RBMS1: variants seen among roughly 807,000 people sequenced by gnomAD.
RBMS1 encodes the protein RNA-binding motif, single-stranded-interacting protein 1.
A neutral mutation model predicts 62.3 loss-of-function variants in RBMS1; 17 were observed. The ratio of observed to expected loss-of-function variants is 0.27; its 90% CI spans 0.19 to 0.41. The LOEUF is 0.41. Among genes scored for constraint, RBMS1 ranks in the 10% least tolerant of loss-of-function variants. RBMS1 has a pLI of 1.00. For missense variants in RBMS1, 334 were observed against 504.5 expected (o/e 0.66, Z 3.24); for synonymous variants, 172 against 170.0 (o/e 1.01, Z -0.09).
At chr2:160,351,753 G>A (rs1692524190) in intron 2 of RBMS1, among the ~76,000 whole-genome samples, 1 of 151,982 alleles carries the variant, frequency 6.6e-6, no homozygotes, top group African/African-American at 2.4e-5. Flanking sequence ...AAATGCATTA[G>A]ATATCCAAAA....
chr2:160,475,487 G>C (rs1470974932), intron 1 of RBMS1, among the ~76,000 whole-genome samples: 1 of 152,234 alleles, frequency 6.6e-6, no homozygotes, highest in Non-Finnish European at 1.5e-5. Flanking sequence ...CCAGGTTCTG[G>C]TAACTGCTCC....
chr2:160,476,480 A>G (rs1316655289), intron 1 of RBMS1, among the ~76,000 whole-genome samples: 1 of 152,152 alleles, frequency 6.6e-6, no homozygotes, highest in Non-Finnish European at 1.5e-5. Flanking sequence ...GATTCAATTC[A>G]ATAAACACTT....
At chr2:160,417,900 C>T (rs1320700535) in intron 1 of RBMS1, among the ~76,000 whole-genome samples, 1 of 152,170 alleles carries the variant, frequency 6.6e-6, no homozygotes, top group African/African-American at 2.4e-5. Context: ...GGAGATCTGA[C>T]AGTGTGTCTT....
chr2:160,308,489 C>A (rs1689673432), intron 4 of RBMS1, among the ~76,000 whole-genome samples: 1 of 152,180 alleles, frequency 6.6e-6, no homozygotes, highest in East Asian at 1.9e-4. Flanking sequence ...CATAAAGGGG[C>A]TAAGTCAAGT....
intron 1 of RBMS1, among the ~76,000 whole-genome samples, chr2:160,421,402 G>GT (rs1559531467): frequency 6.6e-6 from 1 of 151,942 alleles, no homozygotes; most frequent in Non-Finnish European, 1.5e-5. Flanking sequence ...GCGGTGTTTG[G>GT]TTTTTTGTCC....
At chr2:160,465,286 A>G (rs1256692702) in intron 1 of RBMS1, among the ~76,000 whole-genome samples, 2 of 152,216 alleles carry the variant, frequency 1.3e-5, no homozygotes, top group Non-Finnish European at 2.9e-5. Flanking sequence ...TGTTTGGTTC[A>G]TCCTATCTCT....
chr2:160,385,236 T>G (rs898127505), intron 1 of RBMS1, among the ~76,000 whole-genome samples: 1 of 152,122 alleles, frequency 6.6e-6, no homozygotes, highest in East Asian at 1.9e-4. Context: ...TTTCCTGATA[T>G]CCAGGAGGGC....
intron 7 of RBMS1, among the ~76,000 whole-genome samples, chr2:160,286,303 C>CT (rs1221643184): frequency 2.4e-4 from 30 of 122,488 alleles, no homozygotes; most frequent in South Asian, 8.3e-4. Context: ...TTCTTCCTTT[C>CT]TTTTTTTTTT....
chr2:160,357,512 C>G (rs775764358), intron 2 of RBMS1, among the ~76,000 whole-genome samples: 68 of 152,144 alleles, frequency 4.5e-4, no homozygotes, highest in Non-Finnish European at 6.0e-4. Context: ...GTCAAAATAT[C>G]AAATGCATGT....
chr2:160,352,159 T>C (rs772555390), intron 2 of RBMS1, among the ~76,000 whole-genome samples: 1 of 152,162 alleles, frequency 6.6e-6, no homozygotes, highest in Non-Finnish European at 1.5e-5. Flanking sequence ...AACCAGGTCC[T>C]GGGCTTAAGA....
intron 1 of RBMS1, among the ~76,000 whole-genome samples, chr2:160,413,573 C>T (rs569802134): frequency 6.6e-6 from 1 of 152,254 alleles, no homozygotes; most frequent in Admixed American, 6.5e-5. Flanking sequence ...AAAACTATAG[C>T]TATAATCCTA....
chr2:160,483,813 C>T (rs926441418), intron 1 of RBMS1, among the ~76,000 whole-genome samples: 1 of 152,080 alleles, frequency 6.6e-6, no homozygotes, highest in Non-Finnish European at 1.5e-5. Context: ...CAGACCCTTG[C>T]TGGATAGGGG....
chr2:160,470,912 CTT>C (rs1170608142), intron 1 of RBMS1, among the ~76,000 whole-genome samples: 1 of 152,154 alleles, frequency 6.6e-6, no homozygotes, highest in Admixed American at 6.5e-5. Context: ...GGACCCATGT[CTT>C]TTTATTTCAA....
At chr2:160,399,077 T>G (rs1695305346) in intron 1 of RBMS1, among the ~76,000 whole-genome samples, 1 of 152,222 alleles carries the variant, frequency 6.6e-6, no homozygotes, top group Non-Finnish European at 1.5e-5. Context: ...ACTTCCCTGA[T>G]AAAGCCCATG....
intron 1 of RBMS1, among the ~76,000 whole-genome samples, chr2:160,475,482 T>C (rs1023527822): frequency 6.6e-6 from 1 of 152,228 alleles, no homozygotes; most frequent in African/African-American, 2.4e-5. Flanking sequence ...CCCCTCCAGG[T>C]TCTGGTAACT....
Position 160,272,665 on chromosome 2 carries a change from A to T in RBMS1, c.*2107T>A, listed in dbSNP as rs1687640555. On this transcript the variant is annotated 3_prime_UTR_variant, in exon 14 of 14. Transcript: ENST00000348849. ...AGGTTTATAACTGTACTAGGTACAC[A>T]GAGGGTGCTGCGTTCAGTCTGGACT... The T allele has an allele frequency of 1.3e-5, 2 of 152,248 alleles. No individual in the cohort carries two copies. The highest frequency in any genetic ancestry group is 4.1e-4 in the South Asian group (2 of 4,830). 9.4% of individuals were successfully genotyped at this position (152,248 alleles called of 1,614,324 possible). A position where few individuals can be genotyped will look rare whatever the true frequency, so the allele number is the denominator to read the frequency against.
At position 160,318,257 on chromosome 2, in the gene RBMS1, AAAAAG is replaced by A. The variant is rs200050965; in HGVS notation, c.252-35_252-31del. The A allele has an allele frequency of 2.9e-3, 4,322 of 1,508,818 alleles. 70 individuals are homozygous for A. The African/African-American group carries it at 0.051, about 18-fold the overall frequency. 93.5% of individuals were successfully genotyped at this position (1,508,818 alleles called of 1,614,324 possible). ...AAAAAAAAAAAAAAAAAAAAAGGAA[AAAAAG>A]AAAAGAAAGAAAAAGAAGTTATAAG... On this transcript the variant is annotated intron_variant, in intron 2 of 13. Transcript: ENST00000348849.
Position 160,331,981 on chromosome 2 carries a change from G to A in RBMS1, c.252-13754C>T, listed in dbSNP as rs73000637. Among the ~76,000 whole-genome samples, 673 of 152,228 alleles carry A rather than the reference G, an allele frequency of 4.4e-3. 2 individuals are homozygous for A. Among genetic ancestry groups the A allele is most frequent in the African/African-American group, 0.016 (645 of 41,534 alleles). On this transcript the variant is annotated intron_variant, in intron 2 of 13. Transcript: ENST00000348849. ...ATGGATTTGTCAAAAAATTAAGTTC[G>A]ATTATGTACTTCTAATTTTTTTGAT...
intron 1 of RBMS1, among the ~76,000 whole-genome samples, chr2:160,374,115 A>G (rs564929444): frequency 3.6e-4 from 55 of 152,228 alleles, no homozygotes; most frequent in Middle Eastern, 3.4e-3. Flanking sequence ...TCTACAAAAA[A>G]AATTTGGTGG....
Sources: gnomAD v4.1 joint callset for allele counts (sites outside exome capture counted in the v4.1 genomes callset) on GRCh38, gnomAD v4.1.1 for gene constraint, MANE v1.5 for transcripts, NCBI Gene and HGNC (gene_info 2026-07-23, HGNC 2026-07-21) for gene names.